The following KALRN variants were observed in gnomAD, a reference collection of about 807,000 sequenced individuals.
KALRN encodes the protein kalirin.
Under a neutral mutation model 353.7 loss-of-function variants are expected in KALRN, and 70 were observed. The ratio of observed to expected loss-of-function variants is 0.20; its 90% CI spans 0.16 to 0.24. KALRN has a LOEUF of 0.24. KALRN is among the 10% of genes least tolerant of loss of function. The pLI, the probability that KALRN is intolerant of heterozygous loss-of-function variation, is 1.00. For synonymous variants in KALRN, 1,391 were observed against 1,434.8 expected (o/e 0.97, Z 0.69); for missense variants, 2,791 against 3,756.7 (o/e 0.74, Z 6.72).
intron 1 of KALRN, among the ~76,000 whole-genome samples, chr3:124,167,934 C>T (rs1455787407): frequency 6.6e-6 from 1 of 152,196 alleles, no homozygotes; most frequent in Non-Finnish European, 1.5e-5. Context: ...AGTTCTACTG[C>T]ACAGCACTGG....
chr3:124,328,056 T>A (rs1400947270), intron 7 of KALRN, among the ~76,000 whole-genome samples: 2 of 152,236 alleles, frequency 1.3e-5, no homozygotes, highest in Admixed American at 1.3e-4. Context: ...ACATTACTAC[T>A]ATGGGTATTT....
intron 1 of KALRN, among the ~76,000 whole-genome samples, chr3:124,178,007 A>G (rs2073024033): frequency 6.6e-6 from 1 of 152,198 alleles, no homozygotes; most frequent in African/African-American, 2.4e-5. Context: ...TTCAAAGGGC[A>G]GAAACCCGGG....
intron 25 of KALRN, among the ~76,000 whole-genome samples, chr3:124,471,987 A>C (rs4443110): frequency 6.9e-6 from 1 of 144,434 alleles, no homozygotes; most frequent in Non-Finnish European, 1.5e-5. Context: ...AAAAAAAACA[A>C]CCTTCATTTT....
chr3:124,078,475 T>C (rs1451159900), intron 1 of KALRN, among the ~76,000 whole-genome samples: 2 of 152,152 alleles, frequency 1.3e-5, no homozygotes, highest in Non-Finnish European at 2.9e-5. Context: ...CCCTGTCGTG[T>C]AATGGGGAAA....
intron 15 of KALRN, among the ~76,000 whole-genome samples, chr3:124,425,303 G>A (rs538677085): frequency 4.7e-4 from 71 of 152,282 alleles, no homozygotes; most frequent in African/African-American, 1.5e-3. Flanking sequence ...TAAATGAGGT[G>A]ATGGTTATCC....
chr3:124,384,900 C>T lies in KALRN; in HGVS notation c.1826C>T (p.Thr609Met), dbSNP rs2087969095. 3 of 1,612,816 alleles carry T rather than the reference C, an allele frequency of 1.9e-6. No homozygotes were observed. The highest frequency in any genetic ancestry group is 1.1e-5 in the South Asian group (1 of 90,758). ...LLEAAEQLAQTGECDPEEIYK... is the reference protein window; with the variant it reads ...LLEAAEQLAQMGECDPEEIYK... ...GAAGCAGCAGAGCAGTTGGCTCAGA[C>T]GGGGGAATGTGACCCCGAGGAGATC... is the stretch of plus-strand genomic sequence containing the variant. Residue 609 changes from threonine (T) to methionine (M), a missense_variant, in exon 11 of 60, where the codon ACG (threonine) becomes ATG (methionine). Thr to Met is a moderately conservative substitution (Grantham distance 81). Coordinates refer to ENST00000682506, the MANE Select transcript of KALRN (RefSeq NM_001388419.1).
At chr3:124,608,138 G>T (rs1451763165) in intron 34 of KALRN, among the ~76,000 whole-genome samples, 1 of 150,908 alleles carries the variant, frequency 6.6e-6, no homozygotes, top group African/African-American at 2.4e-5. Context: ...CTCCTGAGTC[G>T]CTGGGACCAC....
intron 6 of KALRN, 49 bp downstream of exon 6, chr3:124,298,962 G>T (rs2077056238): frequency 6.2e-7 from 1 of 1,610,122 alleles, no homozygotes; most frequent in Non-Finnish European, 8.5e-7. Context: ...TGGGAGAGTG[G>T]GGAGAAGTGG....
At chr3:124,528,616 C>G (rs1242485809) in intron 33 of KALRN, among the ~76,000 whole-genome samples, 1 of 152,192 alleles carries the variant, frequency 6.6e-6, no homozygotes, top group Non-Finnish European at 1.5e-5. Context: ...CACACCCACC[C>G]TCCCATTCAT....
At chr3:124,615,009 T>C (rs1214441882) in intron 34 of KALRN, among the ~76,000 whole-genome samples, 3 of 152,242 alleles carry the variant, frequency 2.0e-5, no homozygotes, top group East Asian at 3.8e-4. Context: ...ACATTACTTA[T>C]AGTTAATTTG....
chr3:124,152,660 C>T (rs1247373603), intron 1 of KALRN: 4 of 565,020 alleles, frequency 7.1e-6, no homozygotes, highest in African/African-American at 4.1e-5. Flanking sequence ...GTGGTGCAAT[C>T]GAGGCTCACT....
At chr3:124,265,803 G>C (rs1046208793) in intron 4 of KALRN, among the ~76,000 whole-genome samples, 2 of 152,160 alleles carry the variant, frequency 1.3e-5, no homozygotes, top group African/African-American at 2.4e-5. Context: ...AGCCATGACT[G>C]TTGGTGACAT....
Position 124,513,447 on chromosome 3 carries a change from C to T in KALRN, c.4935+17034C>T, listed in dbSNP as rs115486721. On this transcript the variant is annotated intron_variant, in intron 33 of 59. Coordinates refer to ENST00000682506, the MANE Select transcript of KALRN (RefSeq NM_001388419.1). ...ACCCAGGTCAGGAGGACACAGAGAG[C>T]GCCCACTAGGGAAAGCGTTTGCCAC... Among the ~76,000 whole-genome samples, 340 of 152,196 alleles carry T rather than the reference C, an allele frequency of 2.2e-3. 1 individual carries two copies. The highest frequency in any genetic ancestry group is 0.011 in the South Asian group (54 of 4,818).
intron 1 of KALRN, among the ~76,000 whole-genome samples, chr3:124,057,623 A>T (rs1261432312): frequency 6.6e-6 from 1 of 152,076 alleles, no homozygotes; most frequent in Admixed American, 6.5e-5. Flanking sequence ...TGCGCGTGCC[A>T]AACTCCCAAG....
At chr3:124,277,705 A>T (rs2074901248) in intron 5 of KALRN, among the ~76,000 whole-genome samples, 2 of 152,084 alleles carry the variant, frequency 1.3e-5, no homozygotes, top group Non-Finnish European at 2.9e-5. Flanking sequence ...TGGAGAACAG[A>T]ATGGAGGAAG....
intron 51 of KALRN, among the ~76,000 whole-genome samples, chr3:124,693,517 A>G (rs1280426039): frequency 6.6e-6 from 1 of 152,156 alleles, no homozygotes; most frequent in Non-Finnish European, 1.5e-5. Flanking sequence ...GGAGGACAGA[A>G]AGACCTCTGC....
rs74382867 is a variant in KALRN, at chr3:124,660,033, G to A, written c.6216+576G>A. On this transcript the variant is annotated intron_variant, in intron 43 of 59. Transcript: ENST00000682506. ...TGCAGCCTCAAATGCCTGAGCTCAA[G>A]CGATTCTCCCTTCTCAGCCTCCCAA... Among the ~76,000 whole-genome samples the A allele has an allele frequency of 1.7e-3, 263 of 152,036 alleles. 5 individuals carry two copies. In the East Asian group the frequency reaches 0.019, roughly 11 times the overall value.
intron 28 of KALRN, among the ~76,000 whole-genome samples, chr3:124,484,616 T>C (rs2062352725): frequency 6.6e-6 from 1 of 152,116 alleles, no homozygotes; most frequent in African/African-American, 2.4e-5. Flanking sequence ...GACAGGGGTG[T>C]AGGGAATCCT....
intron 1 of KALRN, chr3:124,094,022 T>C (rs547087856): frequency 1.3e-5 from 2 of 151,974 alleles, no homozygotes; most frequent in East Asian, 1.9e-4. Flanking sequence ...TATCTACCAG[T>C]ATCTACCAGG....
Sources: gnomAD v4.1 joint callset for allele counts (sites outside exome capture counted in the v4.1 genomes callset) on GRCh38, gnomAD v4.1.1 for gene constraint, MANE v1.5 for transcripts, NCBI Gene and HGNC (gene_info 2026-07-23, HGNC 2026-07-21) for gene names.